Variants in SYN3 observed in about 807,000 individuals in gnomAD.
The protein encoded by SYN3 is synapsin-3.
In SYN3, 35 loss-of-function variants were observed where a neutral mutation model predicts 65.8. That is an observed-to-expected ratio of 0.53 (90% CI 0.41 to 0.70). The LOEUF (loss-of-function observed/expected upper bound fraction) is 0.70, where lower values mean the gene tolerates loss of function less well. SYN3 is among the 30% of genes least tolerant of loss of function. The pLI, the probability that SYN3 is intolerant of heterozygous loss-of-function variation, is 0.00. For synonymous variants in SYN3, 270 were observed against 292.9 expected, an observed-to-expected ratio of 0.92 and a Z score of 0.80; for missense variants, 680 against 749.0, an observed-to-expected ratio of 0.91 and a Z score of 1.08.
chr22:32,678,273 C>G (rs2060474158), intron 6 of SYN3, among the ~76,000 whole-genome samples: 1 of 152,128 alleles, frequency 6.6e-6, no homozygotes, highest in Non-Finnish European at 1.5e-5. Flanking sequence ...CAGGAGAATC[C>G]AGGCACCTGC....
intron 4 of SYN3, among the ~76,000 whole-genome samples, chr22:32,878,109 G>A (rs551208474): frequency 1.4e-4 from 22 of 152,252 alleles, no homozygotes; most frequent in Middle Eastern, 3.4e-3. Context: ...TTCGAAGTCC[G>A]TGTGCACAAT....
At chr22:32,552,265 C>CA (rs995468821) in intron 7 of SYN3, among the ~76,000 whole-genome samples, 5 of 151,882 alleles carry the variant, frequency 3.3e-5, no homozygotes, top group African/African-American at 1.2e-4. Context: ...AAACAAAAAA[C>CA]AAAAAACTGA....
At chr22:32,956,255 A>G (rs1173688167) in intron 3 of SYN3, among the ~76,000 whole-genome samples, 1 of 151,174 alleles carries the variant, frequency 6.6e-6, no homozygotes, top group Non-Finnish European at 1.5e-5. Context: ...TCCTGGGTTC[A>G]AGTGATTCTC....
chr22:32,594,812 G>A (rs989158740), intron 7 of SYN3, among the ~76,000 whole-genome samples: 8 of 152,166 alleles, frequency 5.3e-5, no homozygotes, highest in African/African-American at 1.9e-4. Flanking sequence ...TAGGCTGCCT[G>A]AAGGGAATGG....
chr22:32,757,040 G>C (rs2045310033), intron 6 of SYN3, among the ~76,000 whole-genome samples: 1 of 125,830 alleles, frequency 7.9e-6, no homozygotes, highest in Admixed American at 8.8e-5. Flanking sequence ...AATTGACACA[G>C]TGGTTGCACT....
chr22:32,775,496 AAAGT>A (rs1569214682), intron 6 of SYN3, among the ~76,000 whole-genome samples: 1 of 152,168 alleles, frequency 6.6e-6, no homozygotes, highest in Non-Finnish European at 1.5e-5. Context: ...GACTGAGGCA[AAAGT>A]ACCCCTTCTC....
At chr22:32,840,012 T>C (rs967487029) in intron 6 of SYN3, among the ~76,000 whole-genome samples, 6 of 151,330 alleles carry the variant, frequency 4.0e-5, no homozygotes, top group African/African-American at 1.5e-4. Flanking sequence ...CCCCGGGAGG[T>C]CCAGGACAGG....
chr22:32,738,623 G>A (rs1211019927), intron 6 of SYN3, among the ~76,000 whole-genome samples: 1 of 152,232 alleles, frequency 6.6e-6, no homozygotes, highest in Non-Finnish European at 1.5e-5. Context: ...GCAGGGGTAG[G>A]TTTTGGTGGA....
intron 5 of SYN3, among the ~76,000 whole-genome samples, chr22:32,867,902 C>G (rs1441726826): frequency 1.3e-5 from 2 of 152,166 alleles, no homozygotes; most frequent in Admixed American, 6.5e-5. Flanking sequence ...TTTAAGAAGT[C>G]TTTCTTACAG....
intron 6 of SYN3, among the ~76,000 whole-genome samples, chr22:32,601,998 G>A (rs529145974): frequency 5.0e-4 from 75 of 150,974 alleles, no homozygotes; most frequent in Non-Finnish European, 9.3e-4. Context: ...AAAATGACCA[G>A]AGAAATTCAA....
At position 32,994,028 on chromosome 22, in the gene SYN3, C is replaced by G. The variant is rs555925201; in HGVS notation, c.311+12324G>C. On this transcript the variant is annotated intron_variant, in intron 2 of 13. Transcript: ENST00000358763. ...GGGTAACAACTCTTCACTGTTCCCCCCTCCTCCCCGAAAGAGCTGGGTAGG... is the reference window on the plus strand; with the variant it reads ...GGGTAACAACTCTTCACTGTTCCCCGCTCCTCCCCGAAAGAGCTGGGTAGG... 2.1e-4 allele frequency among the ~76,000 whole-genome samples: 32 copies of G among 152,292 alleles called. No homozygotes were observed. The South Asian group carries it at 6.4e-3, about 31-fold the overall frequency.
intron 6 of SYN3, among the ~76,000 whole-genome samples, chr22:32,709,545 T>G (rs1427103556): frequency 1.3e-5 from 2 of 151,848 alleles, no homozygotes; most frequent in Non-Finnish European, 2.9e-5. Context: ...TGAACCAGGG[T>G]TTTTTTTACG....
chr22:32,970,254 C>T (rs2051976228), intron 3 of SYN3, among the ~76,000 whole-genome samples: 1 of 152,114 alleles, frequency 6.6e-6, no homozygotes, highest in African/African-American at 2.4e-5. Context: ...TAAATTACCA[C>T]CTCAAGGTTA....
At chr22:32,606,405 C>A (rs544902016) in intron 6 of SYN3, among the ~76,000 whole-genome samples, 234 of 152,300 alleles carry the variant, frequency 1.5e-3, no homozygotes, top group Non-Finnish European at 2.6e-3. Context: ...CTGACAGACT[C>A]TCCTTGGAAT....
chr22:32,649,113 CT>C (rs1356998077), intron 6 of SYN3, among the ~76,000 whole-genome samples: 1 of 152,202 alleles, frequency 6.6e-6, no homozygotes, highest in African/African-American at 2.4e-5. Context: ...TATACTTCCC[CT>C]ATCCCTAATT....
intron 6 of SYN3, among the ~76,000 whole-genome samples, chr22:32,748,367 G>A (rs907239248): frequency 3.9e-5 from 6 of 152,178 alleles, no homozygotes; most frequent in Admixed American, 3.3e-4. Flanking sequence ...ACTTTGTACA[G>A]ACAGCAACCT....
At position 32,852,617 on chromosome 22, in the gene SYN3, G is replaced by A. The variant is rs117442567; in HGVS notation, c.711+12298C>T. The stretch of plus-strand genomic sequence containing the variant: ...CTTGGAGAACCTGAGACTCCGAGCC[G>A]CCCTGTCTGACCTCTCTCTTCTCTC... On this transcript the variant is annotated intron_variant, in intron 6 of 13. Transcript: ENST00000358763. 2.1e-4 allele frequency among the ~76,000 whole-genome samples: 32 copies of A among 152,238 alleles called. No homozygotes were observed. In the East Asian group the frequency reaches 2.1e-3, roughly 10 times the overall value.
At chr22:32,607,177 T>G (rs999783902) in intron 6 of SYN3, among the ~76,000 whole-genome samples, 1 of 152,072 alleles carries the variant, frequency 6.6e-6, no homozygotes, top group Non-Finnish European at 1.5e-5. Flanking sequence ...CCATTTCAAA[T>G]GGATCTGTGT....
intron 12 of SYN3, among the ~76,000 whole-genome samples, chr22:32,521,309 T>C (rs1314331491): frequency 6.6e-6 from 1 of 152,156 alleles, no homozygotes; most frequent in Admixed American, 6.5e-5. Context: ...CTAGGAGCCC[T>C]TGCTCTGATC....
Sources: allele counts gnomAD v4.1 joint callset (sites outside exome capture counted in the v4.1 genomes callset), GRCh38; gene constraint gnomAD v4.1.1; transcripts MANE v1.5; gene names NCBI Gene and HGNC (gene_info 2026-07-23, HGNC 2026-07-21).